ZNF626: variants seen among roughly 807,000 people sequenced by gnomAD.
ZNF626 encodes the protein CTC-513N18.7.
A neutral mutation model predicts 11.7 loss-of-function variants in ZNF626; 4 were observed. That is an observed-to-expected ratio of 0.34 (90% CI 0.17 to 0.78). The LOEUF (loss-of-function observed/expected upper bound fraction) is 0.78, where lower values mean the gene tolerates loss of function less well. Among genes scored for constraint, ZNF626 ranks in the 30% least tolerant of loss-of-function variants. ZNF626 has a pLI of 0.57. For synonymous variants in ZNF626, 179 were observed against 198.6 expected, an observed-to-expected ratio of 0.90 and a Z score of 0.83; for missense variants, 588 against 587.1, an observed-to-expected ratio of 1.00 and a Z score of -0.01.
intron 3 of ZNF626, among the ~76,000 whole-genome samples, chr19:20,635,502 T>C (rs986012436): frequency 3.9e-5 from 6 of 152,152 alleles, no homozygotes; most frequent in African/African-American, 1.4e-4. Flanking sequence ...TTTTGTATTT[T>C]AGTAGAGACA....
In ZNF626 at chr19:20,625,637, A is replaced by G. The variant is rs1201500356; in HGVS notation, c.240T>C (p.His80=). Residue 80 remains histidine (H), a synonymous_variant, in exon 4 of 4, where the codon CAT becomes CAC. Transcript: ENST00000601440. Reference sequence around the variant, plus strand: ...GCTCTGGCCAAAGGTCTTGGGCAAAATGAGAACACATTACTGAAAGAAACA... The same window carrying G: ...GCTCTGGCCAAAGGTCTTGGGCAAAGTGAGAACACATTACTGAAAGAAACA... ...MIAKPSVMCS[H]FAQDLWPEQS... The G allele has an allele frequency of 2.6e-6, 4 of 1,540,816 alleles. No individual in the cohort carries two copies. The highest frequency in any genetic ancestry group is 3.5e-6 in the Non-Finnish European group (4 of 1,149,284).
chr19:20,643,166 CTT>C (rs1260025203), intron 3 of ZNF626, among the ~76,000 whole-genome samples: 2 of 152,112 alleles, frequency 1.3e-5, no homozygotes, highest in South Asian at 2.1e-4. Flanking sequence ...TAATGAGAAA[CTT>C]AATAAATTAG....
intron 3 of ZNF626, chr19:20,644,948 G>C (rs1339908464): frequency 4.6e-5 from 7 of 151,922 alleles, no homozygotes; most frequent in African/African-American, 1.7e-4. Flanking sequence ...GGAAAAGTTA[G>C]AAAAGATACA....
At chr19:20,630,746 AT>A (rs375938694) in intron 3 of ZNF626, among the ~76,000 whole-genome samples, 67,820 of 151,234 alleles carry the variant, frequency 0.45, 16,409 homozygotes, top group African/African-American at 0.64. Flanking sequence ...GGATTCATTG[AT>A]TTTTTTGAAG....
chr19:20,650,237 C>CA (rs1970131106), intron 1 of ZNF626, among the ~76,000 whole-genome samples: 1 of 142,080 alleles, frequency 7.0e-6, no homozygotes, highest in Middle Eastern at 3.2e-3. Flanking sequence ...TCTCTGCCAT[C>CA]AAATTTGTTA....
chr19:20,625,610 CTG>C lies in ZNF626; in HGVS notation c.265_266del (p.Gln89GlufsTer15). The C allele has an allele frequency of 6.3e-7, 1 of 1,576,994 alleles. No homozygotes were observed. Among genetic ancestry groups the C allele is most frequent in the South Asian group, 1.2e-5 (1 of 83,552 alleles). On this transcript the variant is annotated frameshift_variant, in exon 4 of 4. Coordinates refer to ENST00000601440, the MANE Select transcript of ZNF626 (RefSeq NM_001076675.3). LOFTEE classifies it low-confidence loss of function (END_TRUNC). ...SHFAQDLWPEQSMKDSFQKVV... is the reference protein window; with the variant it reads ...SHFAQDLWPEXSMKDSFQKVV... ...CTTTTTGGAAAGAATCTTTCATGCT[CTG>C]CTCTGGCCAAAGGTCTTGGGCAAAA...
chr19:20,647,949 G>A (rs1412446050), intron 1 of ZNF626, among the ~76,000 whole-genome samples: 5 of 151,922 alleles, frequency 3.3e-5, no homozygotes, highest in Admixed American at 1.3e-4. Flanking sequence ...GGGAGGCTGC[G>A]GCGGGAGGAT....
intron 3 of ZNF626, among the ~76,000 whole-genome samples, chr19:20,643,874 C>A (rs1970048148): frequency 6.6e-6 from 1 of 152,118 alleles, no homozygotes; most frequent in Non-Finnish European, 1.5e-5. Flanking sequence ...GTTGTGAAAC[C>A]CTATTAAAGC....
chr19:20,625,629 TG>T lies in ZNF626; in HGVS notation c.247del (p.Gln83LysfsTer9), dbSNP rs1568454296. The T allele has an allele frequency of 6.5e-7, 1 of 1,548,332 alleles. No individual in the cohort carries two copies. Among genetic ancestry groups the T allele is most frequent in the Non-Finnish European group, 8.7e-7 (1 of 1,152,210 alleles). On this transcript the variant is annotated frameshift_variant, in exon 4 of 4. Coordinates refer to ENST00000601440, the MANE Select transcript of ZNF626 (RefSeq NM_001076675.3). LOFTEE classifies it low-confidence loss of function (END_TRUNC). ...KPSVMCSHFA[Q>X]DLWPEQSMKD... ...CATGCTCTGCTCTGGCCAAAGGTCTTGGGCAAAATGAGAACACATTACTGAA... is the reference window on the plus strand; with the variant it reads ...CATGCTCTGCTCTGGCCAAAGGTCTTGGCAAAATGAGAACACATTACTGAA...
chr19:20,661,402 C>T, intron 1 of ZNF626, 42 bp downstream of exon 1: 1 of 1,613,558 alleles, frequency 6.2e-7, no homozygotes, highest in Non-Finnish European at 8.5e-7. Flanking sequence ...CGGTTCCAAC[C>T]AGTCCCTCTC....
Position 20,625,016 on chromosome 19 carries a change from A to C in ZNF626, c.861T>G (p.Cys287Trp), listed in dbSNP as rs781804018. ...IIHTEKKPYK[C>W]EECGKAFNRS... ...GGTTGAAGGCTTTGCCACATTCTTC[A>C]CATTTGTAGGGTTTCTTTTCCGTAT... The change falls in exon 4 of 4, where the codon TGT (cysteine) becomes TGG (tryptophan). Residue 287 changes from cysteine to tryptophan, a missense_variant. Around this residue, in one of 4 missense-constraint regions of ZNF626, gnomAD observed 524 missense variants for 470.1 expected, o/e 1.11. Coordinates refer to ENST00000601440, the MANE Select transcript of ZNF626 (RefSeq NM_001076675.3). The C allele has an allele frequency of 6.2e-7, 1 of 1,613,880 alleles. No individual in the cohort carries two copies. The highest frequency in any genetic ancestry group is 8.5e-7 in the Non-Finnish European group (1 of 1,179,996).
intron 3 of ZNF626, among the ~76,000 whole-genome samples, chr19:20,635,291 T>A (rs1969954102): frequency 6.6e-6 from 1 of 152,308 alleles, no homozygotes; most frequent in African/African-American, 2.4e-5. Flanking sequence ...TCTAGTGATG[T>A]TGCATAACAA....
chr19:20,646,208 C>G, intron 2 of ZNF626, 71 bp downstream of exon 2: 1 of 1,451,826 alleles, frequency 6.9e-7, no homozygotes. Context: ...GAATAAATTA[C>G]TAAAAAACAT....
intron 3 of ZNF626, among the ~76,000 whole-genome samples, chr19:20,632,174 G>T (rs1311592970): frequency 8.5e-5 from 13 of 152,284 alleles, no homozygotes; most frequent in African/African-American, 3.1e-4. Flanking sequence ...AGTCTGCTGG[G>T]CTTCCCTTTG....
At chr19:20,658,194 G>A (rs2144797280) in intron 1 of ZNF626, among the ~76,000 whole-genome samples, 1 of 152,316 alleles carries the variant, frequency 6.6e-6, no homozygotes, top group East Asian at 1.9e-4. Context: ...GCCCAGGTGG[G>A]GCTGTTTTCT....
chr19:20,652,777 T>G (rs1970161136), intron 1 of ZNF626, among the ~76,000 whole-genome samples: 1 of 152,200 alleles, frequency 6.6e-6, no homozygotes, highest in Non-Finnish European at 1.5e-5. Flanking sequence ...AATATGGAGC[T>G]GCAGATTTAG....
intron 3 of ZNF626, among the ~76,000 whole-genome samples, chr19:20,633,589 C>G (rs1164656272): frequency 6.6e-6 from 1 of 152,218 alleles, no homozygotes; most frequent in Non-Finnish European, 1.5e-5. Context: ...ACCCTCTGAG[C>G]TGGGTGAGGG....
intron 3 of ZNF626, among the ~76,000 whole-genome samples, chr19:20,633,520 C>T (rs1165837254): frequency 6.6e-6 from 1 of 151,994 alleles, no homozygotes; most frequent in Admixed American, 6.5e-5. Context: ...CTCGCTGCTG[C>T]CTTGCAGTTT....
At chr19:20,630,673 CTTCT>C (rs1318849252) in intron 3 of ZNF626, among the ~76,000 whole-genome samples, 4 of 151,844 alleles carry the variant, frequency 2.6e-5, no homozygotes, top group East Asian at 1.9e-4. Context: ...TCTCTCTTTT[CTTCT>C]TTATTAGTCT....
Sources: allele counts gnomAD v4.1 joint callset (sites outside exome capture counted in the v4.1 genomes callset), GRCh38; gene constraint gnomAD v4.1.1; regional missense constraint gnomAD v4.1.1; transcripts MANE v1.5; gene names NCBI Gene and HGNC (gene_info 2026-07-23, HGNC 2026-07-21).